The following PCDH15 variants were observed in gnomAD, a reference collection of about 807,000 sequenced individuals.
PCDH15 encodes protocadherin related 15.
In PCDH15, 129 loss-of-function variants were observed where a neutral mutation model predicts 178.5. That is an observed-to-expected ratio of 0.72 (90% CI 0.63 to 0.84). PCDH15 has a LOEUF of 0.84. Among genes scored for constraint, PCDH15 ranks in the 40% least tolerant of loss-of-function variants. The probability of loss-of-function intolerance (pLI) is 0.00; values close to 1 mark genes in which losing one functional copy is unlikely to be tolerated. For synonymous variants in PCDH15, 800 were observed against 732.0 expected (o/e 1.09, Z -1.50); for missense variants, 2,230 against 2,099.9 (o/e 1.06, Z -1.21).
intron 14 of PCDH15, among the ~76,000 whole-genome samples, chr10:54,134,922 C>A (rs921702748): frequency 1.3e-5 from 2 of 151,488 alleles, no homozygotes; most frequent in African/African-American, 4.9e-5. Flanking sequence ...TTAAAAATTT[C>A]ATGGTTGGGT....
chr10:54,329,169 G>C lies in PCDH15; in HGVS notation c.705+427C>G, dbSNP rs77705817. 7.3e-3 allele frequency among the ~76,000 whole-genome samples: 979 copies of C among 134,338 alleles called. 8 individuals carry two copies. Among genetic ancestry groups the C allele is most frequent in the African/African-American group, 0.028 (926 of 33,428 alleles). 88.1% of individuals were successfully genotyped at this position (134,338 alleles called of 152,430 possible). ...ATTAGGCAATGATTCTTTGCCTTTAGTGTACCTTAGAATTCCCTGAAGAGC... is the reference window on the plus strand; with the variant it reads ...ATTAGGCAATGATTCTTTGCCTTTACTGTACCTTAGAATTCCCTGAAGAGC... On this transcript the variant is annotated intron_variant, in intron 7 of 37. Coordinates refer to ENST00000644397, the MANE Select transcript of PCDH15 (RefSeq NM_001384140.1).
At chr10:54,617,141 C>A (rs2093188616) in intron 2 of PCDH15, among the ~76,000 whole-genome samples, 3 of 113,064 alleles carry the variant, frequency 2.7e-5, no homozygotes, top group African/African-American at 8.9e-5. Flanking sequence ...GATGATCCAC[C>A]AGCCTTGGCC....
At chr10:54,257,441 T>A (rs550680708) in intron 8 of PCDH15, among the ~76,000 whole-genome samples, 38 of 138,806 alleles carry the variant, frequency 2.7e-4, no homozygotes, top group Non-Finnish European at 4.9e-4. Context: ...TCAAATGACA[T>A]CTCAATCCAC....
At chr10:55,013,298 G>GA (rs1415711893) in intron 2 of PCDH15, among the ~76,000 whole-genome samples, 13 of 152,174 alleles carry the variant, frequency 8.5e-5, no homozygotes, top group African/African-American at 2.9e-4. Flanking sequence ...CACAGTACCT[G>GA]AAAAAATCTT....
intron 9 of PCDH15, among the ~76,000 whole-genome samples, chr10:54,222,705 G>A (rs145578925): frequency 1.8e-4 from 28 of 152,298 alleles, no homozygotes; most frequent in African/African-American, 4.8e-4. Flanking sequence ...GATATTCATT[G>A]AGGTATTAAT....
intron 3 of PCDH15, among the ~76,000 whole-genome samples, chr10:54,388,771 G>T (rs183688925): frequency 1.3e-5 from 2 of 152,242 alleles, no homozygotes; most frequent in African/African-American, 4.8e-5. Flanking sequence ...TTGGAAAGAC[G>T]TTCTCTGAGC....
intron 2 of PCDH15, among the ~76,000 whole-genome samples, chr10:55,362,936 A>C (rs538415026): frequency 1.3e-5 from 2 of 152,268 alleles, no homozygotes; most frequent in South Asian, 4.1e-4. Context: ...CATAAAATAC[A>C]CTAATGATAC....
chr10:54,033,489 A>C (rs1779524272), intron 18 of PCDH15, among the ~76,000 whole-genome samples: 1 of 151,954 alleles, frequency 6.6e-6, no homozygotes, highest in African/African-American at 2.4e-5. Flanking sequence ...TATATACCAT[A>C]AACATTTCCA....
intron 2 of PCDH15, among the ~76,000 whole-genome samples, chr10:55,483,306 G>A (rs1343821454): frequency 6.6e-6 from 1 of 151,564 alleles, no homozygotes; most frequent in Non-Finnish European, 1.5e-5. Context: ...AAAAAAGTGG[G>A]CAAAGTACAT....
chr10:53,858,713 T>C (rs999388848), intron 27 of PCDH15, among the ~76,000 whole-genome samples: 1 of 152,098 alleles, frequency 6.6e-6, no homozygotes, highest in Non-Finnish European at 1.5e-5. Flanking sequence ...TAACCCGTCA[T>C]AGGTGTCTGG....
Position 55,443,863 on chromosome 10 carries a change from AG to A in PCDH15, c.-156+183761del, listed in dbSNP as rs563622376. Among the ~76,000 whole-genome samples, 307 of 152,302 alleles carry A rather than the reference AG, an allele frequency of 2.0e-3. 3 individuals are homozygous for A. The highest frequency in any genetic ancestry group is 7.2e-3 in the African/African-American group (300 of 41,570). On this transcript the variant is annotated intron_variant, in intron 2 of 5. Coordinates refer to the PCDH15 transcript ENST00000613346. ...TGTTTATTGCAGTGCTATTCACAAC[AG>A]CAAAGACTTGGGACCAACCAAAATG...
chr10:53,900,018 T>C (rs1472719746), intron 26 of PCDH15, among the ~76,000 whole-genome samples: 1 of 152,060 alleles, frequency 6.6e-6, no homozygotes. Context: ...TGTTTCACTT[T>C]GGAAAAAAAA....
intron 2 of PCDH15, among the ~76,000 whole-genome samples, chr10:54,609,979 G>A (rs944679321): frequency 6.6e-6 from 1 of 151,864 alleles, no homozygotes; most frequent in Admixed American, 6.6e-5. Context: ...AAATTCATTT[G>A]TATTTCTTGA....
At chr10:55,310,905 A>G (rs1311106097) in intron 1 of PCDH15, among the ~76,000 whole-genome samples, 1 of 152,196 alleles carries the variant, frequency 6.6e-6, no homozygotes, top group African/African-American at 2.4e-5. Flanking sequence ...GGATAGCATT[A>G]GGAGAAATAC....
intron 2 of PCDH15, among the ~76,000 whole-genome samples, chr10:55,088,195 G>T (rs1383304063): frequency 2.0e-5 from 3 of 151,686 alleles, no homozygotes; most frequent in Non-Finnish European, 4.4e-5. Context: ...GCTATTCCAG[G>T]TCACCTAAAT....
intron 2 of PCDH15, among the ~76,000 whole-genome samples, chr10:55,591,301 G>A (rs1341345015): frequency 2.6e-5 from 4 of 151,968 alleles, no homozygotes; most frequent in African/African-American, 9.7e-5. Flanking sequence ...CAAGCATAAT[G>A]GTGTGCACCG....
rs544551536 is a variant in PCDH15 at position 55,264,592 on chromosome 10, A to C, written c.-156+55007T>G. Among the ~76,000 whole-genome samples the C allele has an allele frequency of 3.3e-5, 5 of 152,312 alleles. No individual in the cohort carries two copies. In the South Asian group the frequency reaches 1.0e-3, roughly 32 times the overall value. ...TCACACCCTGGGTTTTCACTGAAAG[A>C]AAGAAGGAAATGAGGGACGCCTCTA... On this transcript the variant is annotated intron_variant, in intron 1 of 5. Transcript: ENST00000458638.
intron 2 of PCDH15, among the ~76,000 whole-genome samples, chr10:54,639,020 A>G (rs1223378598): frequency 1.3e-5 from 2 of 152,142 alleles, no homozygotes; most frequent in South Asian, 2.1e-4. Context: ...GTGATATAAT[A>G]AACAATATCC....
intron 2 of PCDH15, among the ~76,000 whole-genome samples, chr10:55,538,520 TCCTC>T (rs1841652803): frequency 3.8e-5 from 5 of 131,096 alleles, no homozygotes; most frequent in African/African-American, 1.1e-4. Flanking sequence ...TTTCCTTCCT[TCCTC>T]CCTTCCTTCC....
Sources: allele counts gnomAD v4.1 joint callset (sites outside exome capture counted in the v4.1 genomes callset), GRCh38; gene constraint gnomAD v4.1.1; transcripts MANE v1.5; gene names NCBI Gene and HGNC (gene_info 2026-07-23, HGNC 2026-07-21).